SCFD2: variants seen among roughly 807,000 people sequenced by gnomAD.
SCFD2 encodes the protein sec1 family domain containing 2, also known as sec1 family domain-containing protein 2.
SCFD2 carries 54 observed loss-of-function variants against 58.9 expected under a neutral mutation model. That is an observed-to-expected ratio of 0.92 (90% CI 0.74 to 1.15). SCFD2 has a LOEUF of 1.15. SCFD2 is among the 50% of genes most tolerant of loss of function. SCFD2 has a pLI of 0.00. For synonymous variants in SCFD2, 321 were observed against 335.9 expected (o/e 0.96, Z 0.49); for missense variants, 805 against 836.6 (o/e 0.96, Z 0.47).
At chr4:53,199,568 T>G (rs1728163148) in intron 4 of SCFD2, among the ~76,000 whole-genome samples, 1 of 152,104 alleles carries the variant, frequency 6.6e-6, no homozygotes, top group Admixed American at 6.6e-5. Flanking sequence ...GATCCCTAGA[T>G]AGCCTCAGGA....
intron 4 of SCFD2, among the ~76,000 whole-genome samples, chr4:53,253,242 G>C (rs1372268276): frequency 6.6e-6 from 1 of 152,164 alleles, no homozygotes; most frequent in East Asian, 1.9e-4. Flanking sequence ...GGAAACAACA[G>C]GTGCTGGAGA....
rs1726517136 is a variant in SCFD2 at position 53,151,841 on chromosome 4, C to T, written c.1312-6259G>A. ...AGCATCTCTTGGCTTCTGGTAAGGC[C>T]CCAGGAATCTTCAATCACAAAGGAA... On this transcript the variant is annotated intron_variant, in intron 4 of 8. Coordinates refer to ENST00000401642, the MANE Select transcript of SCFD2 (RefSeq NM_152540.4). Among the ~76,000 whole-genome samples, 7 of 152,150 alleles carry T rather than the reference C, an allele frequency of 4.6e-5. No individual in the cohort carries two copies. The South Asian group carries it at 1.4e-3, about 32-fold the overall frequency.
chr4:53,255,007 G>A (rs1414911803), intron 4 of SCFD2, among the ~76,000 whole-genome samples: 3 of 150,316 alleles, frequency 2.0e-5, no homozygotes, highest in African/African-American at 7.3e-5. Flanking sequence ...CCAGCAGCTG[G>A]GACTACAGGC....
intron 5 of SCFD2, among the ~76,000 whole-genome samples, chr4:52,934,683 T>C (rs971610375): frequency 1.3e-5 from 2 of 152,176 alleles, no homozygotes; most frequent in Non-Finnish European, 2.9e-5. Context: ...ACCTGTATTA[T>C]CTGATTGCAC....
At chr4:53,360,586 C>G (rs1239351731) in intron 1 of SCFD2, among the ~76,000 whole-genome samples, 1 of 152,232 alleles carries the variant, frequency 6.6e-6, no homozygotes, top group Non-Finnish European at 1.5e-5. Flanking sequence ...GCTGCTGTCA[C>G]CTACCACCAC....
chr4:53,233,451 T>TAAA (rs1239667544), intron 4 of SCFD2, among the ~76,000 whole-genome samples: 1 of 152,250 alleles, frequency 6.6e-6, no homozygotes, highest in African/African-American at 2.4e-5. Flanking sequence ...GAAACTTTTT[T>TAAA]AGTAAACCCA....
intron 5 of SCFD2, among the ~76,000 whole-genome samples, chr4:53,104,151 G>GT (rs757040354): frequency 4.3e-4 from 65 of 152,218 alleles, no homozygotes; most frequent in Non-Finnish European, 8.2e-4. Context: ...AAAGAGTTGA[G>GT]TATGAAAGCA....
intron 5 of SCFD2, among the ~76,000 whole-genome samples, chr4:53,105,358 G>A (rs1724961464): frequency 6.6e-6 from 1 of 150,882 alleles, no homozygotes; most frequent in Admixed American, 6.6e-5. Flanking sequence ...CCCTGGAAAG[G>A]GGGCTGAAGC....
rs148079866 is a variant in SCFD2, at chr4:53,120,269, C to T, written c.1561+25064G>A. ...TTTTTATAATTTAAGACAGATATCA[C>T]TTCTGCTATCATTACTACCACCAGA... is the stretch of plus-strand genomic sequence containing the variant. On this transcript the variant is annotated intron_variant, in intron 5 of 8. Transcript: ENST00000401642. 6.6e-3 allele frequency among the ~76,000 whole-genome samples: 998 copies of T among 152,288 alleles called. 4 individuals are homozygous for T. Among genetic ancestry groups the T allele is most frequent in the African/African-American group, 0.023 (949 of 41,550 alleles).
Position 53,365,969 on chromosome 4 carries a change from T to A in SCFD2, c.-28A>T. The A allele has an allele frequency of 6.6e-7, 1 of 1,510,810 alleles. No individual in the cohort carries two copies. The allele number at this position is 1,510,810 out of a possible 1,614,324, so 93.6% of individuals were successfully genotyped here. On this transcript the variant is annotated 5_prime_UTR_variant, in exon 1 of 9. Coordinates refer to ENST00000401642, the MANE Select transcript of SCFD2 (RefSeq NM_152540.4). The surrounding 1 kb of genome is among the most constrained non-coding windows in gnomAD (Gnocchi z 4.3). ...TTGGGGATTCGCAGACTTGGGAAACTACGGTGCAGGAACTTCTTTCAGAAC... is the reference window on the plus strand; with the variant it reads ...TTGGGGATTCGCAGACTTGGGAAACAACGGTGCAGGAACTTCTTTCAGAAC...
At chr4:53,260,490 T>C (rs1252306147) in intron 4 of SCFD2, among the ~76,000 whole-genome samples, 2 of 152,172 alleles carry the variant, frequency 1.3e-5, no homozygotes, top group African/African-American at 2.4e-5. Context: ...GATGATCATG[T>C]GATTTTTGTT....
chr4:52,920,119 C>T (rs1011585372), intron 6 of SCFD2, among the ~76,000 whole-genome samples: 3 of 152,128 alleles, frequency 2.0e-5, no homozygotes, highest in Admixed American at 2.0e-4. Flanking sequence ...CTTAAGCTTC[C>T]CTTTGGGTCT....
intron 3 of SCFD2, among the ~76,000 whole-genome samples, chr4:53,282,280 A>C (rs1206717526): frequency 6.6e-6 from 1 of 152,080 alleles, no homozygotes; most frequent in Non-Finnish European, 1.5e-5. Context: ...TGAAACTACT[A>C]ATAGTTCATG....
Position 52,920,766 on chromosome 4 carries a change from G to T in SCFD2, c.1666C>A (p.Gln556Lys). 6.2e-7 allele frequency: 1 copy of T among 1,611,010 alleles called. No homozygotes were observed. The highest frequency in any genetic ancestry group is 8.5e-7 in the Non-Finnish European group (1 of 1,177,982). ...DIAGARSLLKQFKSVYVPGNH... is the reference protein window; with the variant it reads ...DIAGARSLLKKFKSVYVPGNH... ...CCAGGAACATATACAGACTTAAACT[G>T]TTTCAGGAGACTCCGAGCTCCAGCA... The change falls in exon 6 of 9, where the codon CAG becomes AAG. Residue 556 changes from glutamine (Q) to lysine (K), a missense_variant. This residue lies in a region of SCFD2 where 633 missense variants were observed against 646.8 expected (regional missense o/e 0.98). Coordinates refer to ENST00000401642, the MANE Select transcript of SCFD2 (RefSeq NM_152540.4).
rs572519717 is a variant in SCFD2, at chr4:53,161,166, G to A, written c.1312-15584C>T. Among the ~76,000 whole-genome samples, 4 of 152,330 alleles carry A rather than the reference G, an allele frequency of 2.6e-5. No individual in the cohort carries two copies. In the East Asian group the frequency reaches 7.7e-4, roughly 29 times the overall value. The stretch of plus-strand genomic sequence containing the variant: ...CCTTAGAGGGAGGGAGTAACCGGGA[G>A]AGAGCAAAAGAGGGGCTTCCAGGGT... On this transcript the variant is annotated intron_variant, in intron 4 of 8. Coordinates refer to ENST00000401642, the MANE Select transcript of SCFD2 (RefSeq NM_152540.4).
intron 5 of SCFD2, among the ~76,000 whole-genome samples, chr4:52,928,953 G>T (rs1186003991): frequency 6.6e-6 from 1 of 152,162 alleles, no homozygotes; most frequent in East Asian, 1.9e-4. Context: ...TTGAGCGGCT[G>T]ATAAACTGTT....
chr4:52,967,606 G>A (rs1184473385), intron 5 of SCFD2, among the ~76,000 whole-genome samples: 2 of 152,206 alleles, frequency 1.3e-5, no homozygotes, highest in African/African-American at 4.8e-5. Flanking sequence ...GCCAGTCCTG[G>A]TGTTCCTTCC....
chr4:53,289,590 A>G (rs1012296578), intron 3 of SCFD2, among the ~76,000 whole-genome samples: 4 of 152,118 alleles, frequency 2.6e-5, no homozygotes, highest in African/African-American at 9.7e-5. Context: ...CAACCAGAAA[A>G]CAATTAACAA....
intron 2 of SCFD2, among the ~76,000 whole-genome samples, chr4:53,344,710 C>A (rs1470330108): frequency 6.6e-6 from 1 of 152,168 alleles, no homozygotes; most frequent in African/African-American, 2.4e-5. Flanking sequence ...TACTACAAAG[C>A]TAGAGTAACC....
Sources: allele counts gnomAD v4.1 joint callset (sites outside exome capture counted in the v4.1 genomes callset), GRCh38; gene constraint gnomAD v4.1.1; regional missense constraint gnomAD v4.1.1; non-coding constraint Gnocchi (gnomAD v3.1); transcripts MANE v1.5; gene names NCBI Gene and HGNC (gene_info 2026-07-23, HGNC 2026-07-21).